The following CEP128 variants were observed in gnomAD, a reference collection of about 807,000 sequenced individuals.
The protein encoded by CEP128 is centrosomal protein 128kDa.
In CEP128, 132 loss-of-function variants were observed where a neutral mutation model predicts 156.7. The observed-to-expected ratio is 0.84, with a 90% CI of 0.73 to 0.97. The LOEUF is 0.97. Among genes scored for constraint, CEP128 ranks in the 50% least tolerant of loss-of-function variants. The pLI is 0.00. For missense variants in CEP128, 1,252 were observed against 1,281.9 expected, an observed-to-expected ratio of 0.98 and a Z score of 0.36; for synonymous variants, 469 against 448.9, an observed-to-expected ratio of 1.04 and a Z score of -0.57.
chr14:80,578,290 G>A (rs1891441837), intron 20 of CEP128, among the ~76,000 whole-genome samples: 1 of 152,088 alleles, frequency 6.6e-6, no homozygotes, highest in Admixed American at 6.6e-5. Context: ...TTTGTTCAAT[G>A]AGTAAATGGA....
chr14:80,756,997 A>C (rs190953915), intron 17 of CEP128, 46 bp from the exon 18 acceptor site: 2 of 1,189,388 alleles, frequency 1.7e-6, no homozygotes. Flanking sequence ...TTTCTCTGAC[A>C]TAAACATATA....
chr14:80,864,172 T>C (rs527944428), intron 8 of CEP128, among the ~76,000 whole-genome samples: 19 of 152,324 alleles, frequency 1.2e-4, no homozygotes, highest in Non-Finnish European at 2.1e-4. Context: ...ATTATAAGAA[T>C]ACAATATATA....
chr14:80,548,684 C>T (rs1890088660), intron 21 of CEP128, among the ~76,000 whole-genome samples: 2 of 152,172 alleles, frequency 1.3e-5, no homozygotes, highest in African/African-American at 4.8e-5. Context: ...TTGTTTAGAA[C>T]AGGCCTATAA....
chr14:80,709,495 T>G (rs184642493), intron 19 of CEP128, among the ~76,000 whole-genome samples: 74 of 152,352 alleles, frequency 4.9e-4, no homozygotes, highest in African/African-American at 1.7e-3. Context: ...CTCTTCTTTT[T>G]CAGCATTTTG....
At chr14:80,640,777 T>G (rs1894372423) in intron 19 of CEP128, among the ~76,000 whole-genome samples, 1 of 152,214 alleles carries the variant, frequency 6.6e-6, no homozygotes. Context: ...ACCACCCTTT[T>G]GCTGATTTTA....
chr14:80,611,467 A>G (rs1366430538), intron 19 of CEP128, among the ~76,000 whole-genome samples: 1 of 152,186 alleles, frequency 6.6e-6, no homozygotes, highest in Admixed American at 6.5e-5. Flanking sequence ...AGATAATTCA[A>G]TTTAACACAA....
At chr14:80,676,749 G>C (rs1365329163) in intron 19 of CEP128, among the ~76,000 whole-genome samples, 3 of 152,056 alleles carry the variant, frequency 2.0e-5, no homozygotes, top group Non-Finnish European at 4.4e-5. Context: ...ATTTGTGTTG[G>C]AATTAATCAG....
intron 8 of CEP128, among the ~76,000 whole-genome samples, chr14:80,875,014 T>C (rs1393977583): frequency 1.3e-5 from 2 of 152,324 alleles, no homozygotes; most frequent in East Asian, 3.9e-4. Context: ...GAATGGTCTA[T>C]CCTTTAGAAC....
At chr14:80,540,858 G>A (rs574003175) in intron 21 of CEP128, among the ~76,000 whole-genome samples, 2 of 152,136 alleles carry the variant, frequency 1.3e-5, no homozygotes, top group Admixed American at 6.6e-5. Flanking sequence ...GGGAGAATAG[G>A]CGGAATCCCC....
intron 19 of CEP128, among the ~76,000 whole-genome samples, chr14:80,630,086 T>C (rs1374588833): frequency 6.6e-6 from 1 of 151,966 alleles, no homozygotes; most frequent in African/African-American, 2.4e-5. Flanking sequence ...TAACTGTTAT[T>C]TACCCTTCTG....
chr14:80,751,390 T>G (rs1899385390), intron 18 of CEP128, among the ~76,000 whole-genome samples: 1 of 152,220 alleles, frequency 6.6e-6, no homozygotes, highest in Non-Finnish European at 1.5e-5. Context: ...TTGTCTTTGT[T>G]GGATAAATAC....
intron 14 of CEP128, among the ~76,000 whole-genome samples, chr14:80,481,257 A>G (rs1440493112): frequency 6.6e-6 from 1 of 152,218 alleles, no homozygotes; most frequent in African/African-American, 2.4e-5. Flanking sequence ...GGCACTTCTT[A>G]CATGGCAGCA....
At chr14:80,719,317 A>G (rs1046578497) in intron 19 of CEP128, among the ~76,000 whole-genome samples, 8 of 152,192 alleles carry the variant, frequency 5.3e-5, no homozygotes, top group African/African-American at 1.9e-4. Flanking sequence ...TGCAATGCCT[A>G]TAACTTAGCC....
chr14:80,653,586 C>T (rs574723361), intron 19 of CEP128, among the ~76,000 whole-genome samples: 7 of 152,110 alleles, frequency 4.6e-5, no homozygotes, highest in Non-Finnish European at 8.8e-5. Context: ...GAAGTCGATG[C>T]TTGTCTTCAG....
chr14:80,502,735 T>C (rs577537843), intron 24 of CEP128, among the ~76,000 whole-genome samples: 5 of 152,102 alleles, frequency 3.3e-5, no homozygotes, highest in Non-Finnish European at 5.9e-5. Flanking sequence ...CTCTGTTCCC[T>C]GTATTACTCA....
At chr14:80,918,399 A>T (rs1566715512) in intron 2 of CEP128, among the ~76,000 whole-genome samples, 1 of 152,230 alleles carries the variant, frequency 6.6e-6, no homozygotes, top group Admixed American at 6.5e-5. Flanking sequence ...ACATTTTCTA[A>T]GACTCTGCTA....
intron 16 of CEP128, among the ~76,000 whole-genome samples, chr14:80,772,478 C>T (rs544655825): frequency 6.6e-6 from 1 of 152,182 alleles, no homozygotes; most frequent in Non-Finnish European, 1.5e-5. Context: ...CTCAATAAAA[C>T]CGTGCATTCA....
Position 80,836,338 on chromosome 14 carries a change from C to A in CEP128, c.925-1G>T. ...TAAGTTGTGTACGCAGTTCTTCTACCTAACACATGGTCAAAAATCAAACAT... is the reference window on the plus strand; with the variant it reads ...TAAGTTGTGTACGCAGTTCTTCTACATAACACATGGTCAAAAATCAAACAT... On this transcript the variant is annotated splice_acceptor_variant, in intron 11 of 24. Coordinates refer to ENST00000555265, the MANE Select transcript of CEP128 (RefSeq NM_152446.5). LOFTEE classifies it high-confidence loss of function. 1.2e-6 allele frequency: 2 copies of A among 1,613,728 alleles called. No individual in the cohort carries two copies. Among genetic ancestry groups the A allele is most frequent in the Non-Finnish European group, 8.5e-7 (1 of 1,179,844 alleles).
intron 20 of CEP128, among the ~76,000 whole-genome samples, chr14:80,565,439 G>C (rs764468425): frequency 6.6e-6 from 1 of 152,134 alleles, no homozygotes. Flanking sequence ...TGGGGAGACT[G>C]ATTTGAGTAA....
Sources: gnomAD v4.1 joint callset for allele counts (sites outside exome capture counted in the v4.1 genomes callset) on GRCh38, gnomAD v4.1.1 for gene constraint, MANE v1.5 for transcripts, NCBI Gene and HGNC (gene_info 2026-07-23, HGNC 2026-07-21) for gene names.